The following DLGAP1 variants were observed in gnomAD, a reference collection of about 807,000 sequenced individuals.
DLGAP1 encodes DLG associated protein 1.
Under a neutral mutation model 90.8 loss-of-function variants are expected in DLGAP1, and 11 were observed. The observed-to-expected ratio is 0.12, with a 90% CI of 0.08 to 0.20. The LOEUF (loss-of-function observed/expected upper bound fraction) is 0.20. Ranked by LOEUF, DLGAP1 falls within the 10% of genes least tolerant of loss-of-function variation. The probability of loss-of-function intolerance (pLI) is 1.00; values close to 1 mark genes in which losing one functional copy is unlikely to be tolerated. For missense variants in DLGAP1, 1,050 were observed against 1,333.8 expected (o/e 0.79, Z 3.31); for synonymous variants, 558 against 540.7 (o/e 1.03, Z -0.44).
Position 3,879,216 on chromosome 18 carries a change from C to T in DLGAP1, c.853G>A (p.Val285Met), listed in dbSNP as rs1160652768. ...TGGTAAACCTCCCGGGCCCGGCTCA[C>T]GGTGAGCGTGGAGGACCAGGCGCTC... ...KKSAWSSTLT[V>M]SRAREVYQKA... is the part of the protein sequence containing the mutation. Residue 285 changes from valine to methionine, a missense_variant, in exon 4 of 13, where the codon GTG (valine) becomes ATG (methionine). By Grantham distance (21) the Val-to-Met change is conservative (BLOSUM62 1). Transcript: ENST00000315677. The surrounding 1 kb of genome is among the most constrained non-coding windows in gnomAD (Gnocchi z 6.6). 3.8e-6 allele frequency: 6 copies of T among 1,573,920 alleles called. No individual in the cohort carries two copies. Among genetic ancestry groups the T allele is most frequent in the East Asian group, 4.5e-5 (2 of 44,430 alleles).
intron 7 of DLGAP1, among the ~76,000 whole-genome samples, chr18:3,638,679 GT>G (rs1479414100): frequency 4.6e-5 from 7 of 152,254 alleles, no homozygotes; most frequent in African/African-American, 1.7e-4. Flanking sequence ...TGACTATTCT[GT>G]TAATCTTACA....
chr18:3,955,177 A>G (rs765739005), intron 3 of DLGAP1, among the ~76,000 whole-genome samples: 36 of 152,164 alleles, frequency 2.4e-4, no homozygotes, highest in Non-Finnish European at 4.9e-4. Flanking sequence ...CTCAGAGTTT[A>G]TGGGGCAATG....
intron 1 of DLGAP1, among the ~76,000 whole-genome samples, chr18:4,408,092 G>A (rs545410713): frequency 6.6e-6 from 1 of 152,134 alleles, no homozygotes; most frequent in South Asian, 2.1e-4. Flanking sequence ...TAGATACTTT[G>A]AGGTGGTAGA....
chr18:4,336,356 C>A (rs1303190749), intron 1 of DLGAP1, among the ~76,000 whole-genome samples: 1 of 152,162 alleles, frequency 6.6e-6, no homozygotes, highest in Non-Finnish European at 1.5e-5. Context: ...GTAGAAACAA[C>A]ACTTTGAGGA....
intron 1 of DLGAP1, among the ~76,000 whole-genome samples, chr18:4,306,185 G>A (rs2080255123): frequency 6.6e-6 from 1 of 151,938 alleles, no homozygotes; most frequent in South Asian, 2.1e-4. Flanking sequence ...ATCCCAGGAA[G>A]GCAATTGCCT....
intron 3 of DLGAP1, among the ~76,000 whole-genome samples, chr18:3,887,456 A>C (rs555304252): frequency 6.6e-6 from 1 of 152,300 alleles, no homozygotes; most frequent in East Asian, 1.9e-4. Context: ...GGGGAGGGGC[A>C]AAAAGATCTC....
chr18:3,763,594 A>G (rs1233201050), intron 5 of DLGAP1, among the ~76,000 whole-genome samples: 1 of 152,116 alleles, frequency 6.6e-6, no homozygotes, highest in Non-Finnish European at 1.5e-5. Flanking sequence ...TCTTTATATC[A>G]AATGATGTTA....
intron 7 of DLGAP1, among the ~76,000 whole-genome samples, chr18:3,591,007 TA>T (rs951226861): frequency 4.0e-5 from 6 of 151,500 alleles, no homozygotes; most frequent in East Asian, 1.9e-4. Context: ...TTGTATGTCT[TA>T]AAAAAAAAGT....
intron 10 of DLGAP1, among the ~76,000 whole-genome samples, chr18:3,514,317 C>T (rs17802670): frequency 0.058 from 8,761 of 152,166 alleles, 339 homozygotes; most frequent in Admixed American, 0.08. Flanking sequence ...CCTAACTCCA[C>T]GATCATCAGA....
At chr18:3,622,665 C>A (rs1037533266) in intron 7 of DLGAP1, among the ~76,000 whole-genome samples, 3 of 152,236 alleles carry the variant, frequency 2.0e-5, no homozygotes, top group Admixed American at 2.0e-4. Context: ...TTCCTCTCAT[C>A]TTTCCCCAAT....
chr18:3,600,749 T>TATAGATATATAGATATATATAG (rs1568277692), intron 7 of DLGAP1, among the ~76,000 whole-genome samples: 2 of 12,918 alleles, frequency 1.5e-4, no homozygotes, highest in Non-Finnish European at 3.4e-4. Flanking sequence ...GATATATAGA[T>TATAGATATATAGATATATATAG]ATATATAGAT....
In DLGAP1 at chr18:3,554,794, T is replaced by C. The variant is rs1439317598; in HGVS notation, c.2057+12696A>G. 3.9e-5 allele frequency among the ~76,000 whole-genome samples: 6 copies of C among 152,204 alleles called. No individual in the cohort carries two copies. The East Asian group carries it at 1.2e-3, about 29-fold the overall frequency. ...CTCCTTAATAGATCAATCAGTTAGG[T>C]GGGCCTTGCTGGGTTAGTTTTTGTT... On this transcript the variant is annotated intron_variant, in intron 9 of 12. Coordinates refer to ENST00000315677, the MANE Select transcript of DLGAP1 (RefSeq NM_004746.4).
intron 7 of DLGAP1, chr18:3,597,429 GTGCACTTAT>G: frequency 2.8e-6 from 1 of 363,410 alleles, no homozygotes; most frequent in Non-Finnish European, 5.3e-6. Flanking sequence ...CCAGGGTATT[GTGCACTTAT>G]TGCCAATTCT....
chr18:3,592,435 C>T (rs374865144), intron 7 of DLGAP1, among the ~76,000 whole-genome samples: 1 of 152,186 alleles, frequency 6.6e-6, no homozygotes, highest in Non-Finnish European at 1.5e-5. Context: ...CTGGCAACAA[C>T]AAAGATGATG....
intron 3 of DLGAP1, among the ~76,000 whole-genome samples, chr18:3,901,238 C>T (rs1010765417): frequency 6.6e-6 from 1 of 152,108 alleles, no homozygotes; most frequent in African/African-American, 2.4e-5. Context: ...ACAGCTCCTA[C>T]TCATCCTTCA....
At chr18:4,239,652 T>C (rs1324407598) in intron 1 of DLGAP1, among the ~76,000 whole-genome samples, 1 of 152,234 alleles carries the variant, frequency 6.6e-6, no homozygotes, top group South Asian at 2.1e-4. Context: ...CACAACTAAA[T>C]TGTAGCATCT....
chr18:3,668,143 C>T (rs1172866855), intron 7 of DLGAP1, among the ~76,000 whole-genome samples: 1 of 152,174 alleles, frequency 6.6e-6, no homozygotes, highest in Non-Finnish European at 1.5e-5. Context: ...CTCCCCTTCT[C>T]TTGTTCAGAT....
intron 7 of DLGAP1, among the ~76,000 whole-genome samples, chr18:3,647,623 G>C (rs923875227): frequency 5.3e-5 from 8 of 151,954 alleles, no homozygotes; most frequent in African/African-American, 1.9e-4. Context: ...GTGCCACCAC[G>C]CCTGGCTAAT....
intron 7 of DLGAP1, among the ~76,000 whole-genome samples, chr18:3,619,707 C>T (rs758998827): frequency 2.7e-4 from 40 of 146,530 alleles, no homozygotes; most frequent in Non-Finnish European, 4.6e-4. Flanking sequence ...TCTGACTTAG[C>T]GTCATGCAAA....
Sources: gnomAD v4.1 joint callset for allele counts (sites outside exome capture counted in the v4.1 genomes callset) on GRCh38, gnomAD v4.1.1 for gene constraint, Gnocchi (gnomAD v3.1) non-coding constraint, MANE v1.5 for transcripts, NCBI Gene and HGNC (gene_info 2026-07-23, HGNC 2026-07-21) for gene names.